The following C14orf132 variants were observed in gnomAD, a reference collection of about 807,000 sequenced individuals.
C14orf132 encodes the protein chromosome 14 open reading frame 132.
In C14orf132, 6 loss-of-function variants were observed where a neutral mutation model predicts 5.8. That is an observed-to-expected ratio of 1.03 (90% confidence interval 0.57 to 2.04). The LOEUF is 2.04. Ranked by LOEUF, C14orf132 falls within the 30% of genes most tolerant of loss-of-function variation. The probability of loss-of-function intolerance (pLI) is 0.00; values close to 1 mark genes in which losing one functional copy is unlikely to be tolerated. For synonymous variants in C14orf132, 51 were observed against 49.8 expected (o/e 1.02, Z -0.10); for missense variants, 125 against 115.8 (o/e 1.08, Z -0.37).
intron 1 of C14orf132, among the ~76,000 whole-genome samples, chr14:96,072,092 G>T (rs1887728141): frequency 6.6e-6 from 1 of 152,196 alleles, no homozygotes; most frequent in African/African-American, 2.4e-5. Flanking sequence ...TAAGGTGGGG[G>T]ATATGAATGG....
chr14:96,055,039 T>C (rs899262025), intron 1 of C14orf132, among the ~76,000 whole-genome samples: 3 of 152,164 alleles, frequency 2.0e-5, no homozygotes, highest in African/African-American at 4.8e-5. Flanking sequence ...TGTGAGGGGT[T>C]TGCAATTTTA....
At chr14:96,083,209 C>CT (rs1434549267) in intron 1 of C14orf132, among the ~76,000 whole-genome samples, 1 of 152,162 alleles carries the variant, frequency 6.6e-6, no homozygotes, top group East Asian at 1.9e-4. Context: ...TTACTTGTCA[C>CT]TTTTTTTGTA....
At position 96,089,111 on chromosome 14, in the gene C14orf132, C is replaced by T. The variant is rs575600049; in HGVS notation, c.*2376C>T. ...TCTTCATCAGCTTTTTTTTTACCAG[C>T]ATCTCTCAAATAACAATGAAGATAG... On this transcript the variant is annotated 3_prime_UTR_variant, in exon 2 of 2. Coordinates refer to ENST00000555004, the MANE Select transcript of C14orf132 (RefSeq NM_001252507.3). 5.3e-5 allele frequency: 8 copies of T among 152,220 alleles called. No individual in the cohort carries two copies. The highest frequency in any genetic ancestry group is 1.2e-4 in the Non-Finnish European group (8 of 68,064). The allele number at this position is 152,220 out of a possible 1,614,324, so 9.4% of individuals were successfully genotyped here. A position where few individuals can be genotyped will look rare whatever the true frequency, so the allele number is the denominator to read the frequency against.
At chr14:96,060,052 G>A (rs1290688749) in intron 1 of C14orf132, among the ~76,000 whole-genome samples, 1 of 152,168 alleles carries the variant, frequency 6.6e-6, no homozygotes, top group Non-Finnish European at 1.5e-5. Context: ...TTCAGTGCTG[G>A]ATTCAGAATC....
intron 1 of C14orf132, among the ~76,000 whole-genome samples, chr14:96,070,322 C>T (rs150221494): frequency 3.9e-5 from 6 of 152,270 alleles, no homozygotes; most frequent in Non-Finnish European, 7.3e-5. Context: ...AGCCAGGTAG[C>T]CATCCTTCCC....
At chr14:96,071,848 G>T in intron 1 of C14orf132, among the ~76,000 whole-genome samples, 1 of 152,260 alleles carries the variant, frequency 6.6e-6, no homozygotes, top group Non-Finnish European at 1.5e-5. Context: ...ATCGCCTTGT[G>T]CCTGTCCAGC....
chr14:96,046,079 C>T (rs1278581267), intron 1 of C14orf132, among the ~76,000 whole-genome samples: 10 of 152,190 alleles, frequency 6.6e-5, no homozygotes, highest in Admixed American at 6.5e-4. Flanking sequence ...GTGCTGGCTC[C>T]CCCAAGAAAG....
At position 96,063,876 on chromosome 14, in the gene C14orf132, A is replaced by T. The variant is rs1026625699; in HGVS notation, c.28-22635A>T. On this transcript the variant is annotated intron_variant, in intron 1 of 1. Transcript: ENST00000555004. ...CAACAAAATCAAACAAATCAGTAATAAAAAAAATAAACAATCCCATCAAAA... is the reference window on the plus strand; with the variant it reads ...CAACAAAATCAAACAAATCAGTAATTAAAAAAATAAACAATCCCATCAAAA... 2.5e-4 allele frequency among the ~76,000 whole-genome samples: 38 copies of T among 151,872 alleles called. 1 individual carries two copies. Among genetic ancestry groups the T allele is most frequent in the African/African-American group, 9.2e-4 (38 of 41,332 alleles).
chr14:96,044,106 C>T (rs922222647), intron 1 of C14orf132, among the ~76,000 whole-genome samples: 1 of 152,230 alleles, frequency 6.6e-6, no homozygotes, highest in Non-Finnish European at 1.5e-5. Context: ...CAGGGACCCT[C>T]TGTGGATCAG....
At chr14:96,064,689 G>A (rs1173896242) in intron 1 of C14orf132, among the ~76,000 whole-genome samples, 1 of 151,678 alleles carries the variant, frequency 6.6e-6, no homozygotes. Flanking sequence ...AGTGGAAGAG[G>A]GGGCATAAAA....
At chr14:96,072,802 C>A (rs1214520856) in intron 1 of C14orf132, among the ~76,000 whole-genome samples, 1 of 152,174 alleles carries the variant, frequency 6.6e-6, no homozygotes, top group Non-Finnish European at 1.5e-5. Flanking sequence ...CGTGTCATTG[C>A]GGACATCAAT....
rs886541272 is a variant in C14orf132 at position 96,090,919 on chromosome 14, G to C, written c.*4184G>C. ...CTTTCCTTCTTCAGAAGCATCATCT[G>C]CCTTCATTATTAGCAGTAATATTAT... On this transcript the variant is annotated 3_prime_UTR_variant, in exon 2 of 2. Coordinates refer to ENST00000555004, the MANE Select transcript of C14orf132 (RefSeq NM_001252507.3). 6.1e-5 allele frequency: 28 copies of C among 456,010 alleles called. No individual in the cohort carries two copies. In the Admixed American group the frequency reaches 6.6e-4, roughly 11 times the overall value. The allele number at this position is 456,010 out of a possible 1,614,324, so 28.2% of individuals were successfully genotyped here. A position where few individuals can be genotyped will look rare whatever the true frequency, so the allele number is the denominator to read the frequency against.
chr14:96,050,319 A>G (rs1402345000), intron 1 of C14orf132, among the ~76,000 whole-genome samples: 1 of 152,182 alleles, frequency 6.6e-6, no homozygotes, highest in Non-Finnish European at 1.5e-5. Context: ...ATCAAGCCAA[A>G]TTTAATCTAA....
At chr14:96,040,740 C>T (rs758932894) in intron 1 of C14orf132, among the ~76,000 whole-genome samples, 3 of 151,562 alleles carry the variant, frequency 2.0e-5, no homozygotes, top group African/African-American at 7.3e-5. Flanking sequence ...TTCTGAGTAT[C>T]GCTGGCCCTT....
rs1388198094 is a variant in C14orf132 at position 96,090,586 on chromosome 14, T to C, written c.*3851T>C. On this transcript the variant is annotated 3_prime_UTR_variant, in exon 2 of 2. Coordinates refer to ENST00000555004, the MANE Select transcript of C14orf132 (RefSeq NM_001252507.3). ...TCCTACTCCAAGCCAATGCTGTCCT[T>C]CCCCTTTCCCATGAAATCAAGGTCA... 1 of 455,858 alleles carries C rather than the reference T, an allele frequency of 2.2e-6. No individual in the cohort carries two copies. Among genetic ancestry groups the C allele is most frequent in the East Asian group, 7.0e-5 (1 of 14,374 alleles). 28.2% of individuals were successfully genotyped at this position (455,858 alleles called of 1,614,324 possible). A position where few individuals can be genotyped will look rare whatever the true frequency, so the allele number is the denominator to read the frequency against.
rs972654689 is a variant in C14orf132, at chr14:96,093,290, C to T, written c.*6555C>T. 2 of 152,178 alleles carry T rather than the reference C, an allele frequency of 1.3e-5. No individual in the cohort carries two copies. Among genetic ancestry groups the T allele is most frequent in the Non-Finnish European group, 2.9e-5 (2 of 68,038 alleles). 9.4% of individuals were successfully genotyped at this position (152,178 alleles called of 1,614,324 possible). A position where few individuals can be genotyped will look rare whatever the true frequency, so the allele number is the denominator to read the frequency against. The stretch of plus-strand genomic sequence containing the variant: ...TGGGAGTGTGGGGCTGAACTTTTCC[C>T]TACCCTTAACTTTGTGTCTCTGGGA... On this transcript the variant is annotated 3_prime_UTR_variant, in exon 2 of 2. Coordinates refer to ENST00000555004, the MANE Select transcript of C14orf132 (RefSeq NM_001252507.3).
At chr14:96,073,454 T>C (rs933690148) in intron 1 of C14orf132, among the ~76,000 whole-genome samples, 2 of 152,180 alleles carry the variant, frequency 1.3e-5, no homozygotes, top group Non-Finnish European at 2.9e-5. Flanking sequence ...TCACTGATCA[T>C]TAGAGAATGC....
rs575588864 is a variant in C14orf132, at chr14:96,089,806, C to T, written c.*3071C>T. ...AGAAGGGGACCCTCCCTGGCCAACA[C>T]CCAGGAGCCCAGCAGAAGCACCCAC... On this transcript the variant is annotated 3_prime_UTR_variant, in exon 2 of 2. Coordinates refer to ENST00000555004, the MANE Select transcript of C14orf132 (RefSeq NM_001252507.3). 3.3e-5 allele frequency: 5 copies of T among 152,122 alleles called. No homozygotes were observed. Among genetic ancestry groups the T allele is most frequent in the East Asian group, 3.9e-4 (2 of 5,160 alleles). 9.4% of individuals were successfully genotyped at this position (152,122 alleles called of 1,614,324 possible).
Position 96,064,911 on chromosome 14 carries a change from C to T in C14orf132, c.28-21600C>T, listed in dbSNP as rs79364806. Among the ~76,000 whole-genome samples, 459 of 152,290 alleles carry T rather than the reference C, an allele frequency of 3.0e-3. 2 individuals carry two copies. The highest frequency in any genetic ancestry group is 5.6e-3 in the Non-Finnish European group (378 of 68,032). On this transcript the variant is annotated intron_variant, in intron 1 of 1. Transcript: ENST00000555004. ...TTTTGCATTTTCCATGCTGGGATTC[C>T]GCTCTGGCCAGCTCTGTTGAACAGG...
Sources: gnomAD v4.1 joint callset for allele counts (sites outside exome capture counted in the v4.1 genomes callset) on GRCh38, gnomAD v4.1.1 for gene constraint, MANE v1.5 for transcripts, NCBI Gene and HGNC (gene_info 2026-07-23, HGNC 2026-07-21) for gene names.